Variants in AIFM1 observed in about 807,000 individuals in gnomAD.
AIFM1 encodes the protein apoptosis inducing factor mitochondria associated 1, also known as apoptosis-inducing factor 1, mitochondrial.
Under a neutral mutation model 51.7 loss-of-function variants are expected in AIFM1, and 3 were observed. That is an observed-to-expected ratio of 0.06 (90% confidence interval 0.03 to 0.15). The LOEUF is 0.15. AIFM1 is among the 10% of genes least tolerant of loss of function. The pLI is 1.00. For missense variants in AIFM1, 330 were observed against 476.8 expected, an observed-to-expected ratio of 0.69 and a Z score of 2.87; for synonymous variants, 178 against 179.4, an observed-to-expected ratio of 0.99 and a Z score of 0.06.
chrX:130,154,380 A>C (rs2031096592), intron 2 of AIFM1, among the ~76,000 whole-genome samples: 1 of 112,347 alleles, frequency 8.9e-6, no homozygotes, highest in Non-Finnish European at 1.9e-5. Context: ...TTACCAACAT[A>C]CTGAACACAA....
intron 2 of AIFM1, among the ~76,000 whole-genome samples, chrX:130,151,039 G>T (rs1183630975): frequency 2.9e-5 from 3 of 105,223 alleles, no homozygotes; most frequent in Non-Finnish European, 5.8e-5. Flanking sequence ...GTACCCCACA[G>T]GGTCAACAAA....
Position 130,147,231 on chromosome X carries a change from A to C in AIFM1, c.605+262T>G, listed in dbSNP as rs139842860. Reference sequence around the variant, plus strand: ...TGATCTTCACCTAAAGAAGCTTAACATAAAGGTTCCAGAAATAGGAGCATT... The same window carrying C: ...TGATCTTCACCTAAAGAAGCTTAACCTAAAGGTTCCAGAAATAGGAGCATT... On this transcript the variant is annotated intron_variant, in intron 5 of 15. Transcript: ENST00000287295. 8.4e-3 allele frequency among the ~76,000 whole-genome samples: 940 copies of C among 112,552 alleles called. 11 individuals are homozygous for C. The highest frequency in any genetic ancestry group is 0.029 in the African/African-American group (891 of 31,021).
chrX:130,153,352 C>T (rs1368947493), intron 2 of AIFM1, among the ~76,000 whole-genome samples: 5 of 42,849 alleles, frequency 1.2e-4, no homozygotes, highest in Admixed American at 3.5e-4. Context: ...GACTCCGTTT[C>T]AAAAAAAAAA....
intron 9 of AIFM1, 155 bp from the exon 10 acceptor site, chrX:130,137,340 G>C: frequency 8.6e-7 from 1 of 1,162,336 alleles, no homozygotes; most frequent in Non-Finnish European, 1.1e-6. Context: ...TGGGCATGAG[G>C]GCCTCGGTGC....
At position 130,136,102 on chromosome X, in the gene AIFM1, T is replaced by C; in HGVS notation, c.1248A>G (p.Ser416=). The C allele has an allele frequency of 4.1e-6, 5 of 1,211,904 alleles. No individual in the cohort carries two copies. The highest frequency in any genetic ancestry group is 5.6e-6 in the Non-Finnish European group (5 of 895,516). ...CATTTACCCGGAAGCCACCAAAATC[T>C]GAGTCTATTTCCAGGCCACCAGTCT... ...LAKTGGLEID[S]DFGGFRVNAE... is the part of the protein sequence containing the mutation. The change falls in exon 12 of 16, where the codon TCA becomes TCG. Residue 416 remains serine, a synonymous_variant. Transcript: ENST00000287295.
intron 2 of AIFM1, among the ~76,000 whole-genome samples, chrX:130,153,673 G>A (rs2031073857): frequency 9.0e-6 from 1 of 110,646 alleles, no homozygotes; most frequent in African/African-American, 3.3e-5. Flanking sequence ...CATACAGGAA[G>A]GGGAAGACAC....
intron 12 of AIFM1, 149 bp from the exon 13 acceptor site, chrX:130,133,604 A>G: frequency 2.6e-6 from 2 of 760,056 alleles, no homozygotes; most frequent in Admixed American, 3.0e-5. Context: ...ACTTAAACTA[A>G]CAAAAACAGC....
intron 8 of AIFM1, among the ~76,000 whole-genome samples, chrX:130,138,926 CAGG>C (rs1276396735): frequency 1.8e-5 from 2 of 111,455 alleles, no homozygotes; most frequent in Non-Finnish European, 3.8e-5. Context: ...CTATCTTCCC[CAGG>C]AGGACATCTG....
At chrX:130,162,269 T>G (rs1042526647) in intron 1 of AIFM1, among the ~76,000 whole-genome samples, 2 of 111,893 alleles carry the variant, frequency 1.8e-5, no homozygotes, top group Non-Finnish European at 3.8e-5. Flanking sequence ...TCAGTTTGGT[T>G]TTTTAATCCT....
chrX:130,153,352 CAAAAAAAAA>C (rs35771131), intron 2 of AIFM1, among the ~76,000 whole-genome samples: 27 of 42,860 alleles, frequency 6.3e-4, no homozygotes, highest in Non-Finnish European at 8.4e-4. Flanking sequence ...GACTCCGTTT[CAAAAAAAAA>C]AAAAAAAAAA....
intron 2 of AIFM1, among the ~76,000 whole-genome samples, chrX:130,150,326 CTTTTTTT>C (rs755785211): frequency 6.5e-5 from 4 of 61,650 alleles, no homozygotes; most frequent in South Asian, 8.3e-4. Context: ...TTATTGGAGA[CTTTTTTT>C]TTTTTTTTTT....
rs745767332 is a variant in AIFM1 at position 130,163,095 on chromosome X, G to A, written c.106+2456C>T. On this transcript the variant is annotated intron_variant, in intron 1 of 15. Transcript: ENST00000287295. Reference sequence around the variant, plus strand: ...GGAGGCTGAAGCAGGTGGATCACAAGGTCAGGAGTTTGAGACCAGCCTGGC... The same window carrying A: ...GGAGGCTGAAGCAGGTGGATCACAAAGTCAGGAGTTTGAGACCAGCCTGGC... Among the ~76,000 whole-genome samples the A allele has an allele frequency of 3.6e-5, 4 of 110,845 alleles. No individual in the cohort carries two copies. In the East Asian group the frequency reaches 1.1e-3, roughly 31 times the overall value.
At chrX:130,156,015 A>G (rs1370495961) in intron 2 of AIFM1, among the ~76,000 whole-genome samples, 1 of 112,079 alleles carries the variant, frequency 8.9e-6, no homozygotes, top group Admixed American at 9.5e-5. Flanking sequence ...AGGAACACTT[A>G]ATATTTTTGA....
intron 5 of AIFM1, among the ~76,000 whole-genome samples, chrX:130,146,594 A>G (rs1238925994): frequency 9.1e-6 from 1 of 110,033 alleles, no homozygotes; most frequent in Non-Finnish European, 1.9e-5. Flanking sequence ...GTAAGTTTGT[A>G]AAATTTGGTC....
Position 130,145,458 on chromosome X carries a change from AG to A in AIFM1, c.696+20del. On this transcript the variant is annotated intron_variant, in intron 6 of 15. Coordinates refer to ENST00000287295, the MANE Select transcript of AIFM1 (RefSeq NM_004208.4). ...GGGCAAGTACGTAGAGCCTGACAAA[AG>A]AAGCGGTCTACTAGCTCACCTTCTT... The A allele has an allele frequency of 8.6e-7, 1 of 1,163,580 alleles. No individual in the cohort carries two copies. The highest frequency in any genetic ancestry group is 1.2e-6 in the Non-Finnish European group (1 of 851,740).
In AIFM1 at chrX:130,129,416, T is replaced by C. The variant is rs1305001030; in HGVS notation, c.*141A>G. Reference sequence around the variant, plus strand: ...ACTATGTGAACATTAAGAATTTACCTACATAGTTGAAAATATTCACAAAGG... The same window carrying C: ...ACTATGTGAACATTAAGAATTTACCCACATAGTTGAAAATATTCACAAAGG... On this transcript the variant is annotated 3_prime_UTR_variant, in exon 16 of 16. Coordinates refer to ENST00000287295, the MANE Select transcript of AIFM1 (RefSeq NM_004208.4). The C allele has an allele frequency of 7.5e-6, 4 of 531,255 alleles. No individual in the cohort carries two copies. Among genetic ancestry groups the C allele is most frequent in the Non-Finnish European group, 1.3e-5 (4 of 296,350 alleles). The allele number at this position is 531,255 out of a possible 1,213,427, so 43.8% of individuals were successfully genotyped here. A position where few individuals can be genotyped will look rare whatever the true frequency, so the allele number is the denominator to read the frequency against.
rs1468364039 is a variant in AIFM1 at position 130,136,119 on chromosome X, C to T, written c.1231G>A (p.Gly411Ser). The T allele has an allele frequency of 8.3e-7, 1 of 1,211,854 alleles. No homozygotes were observed. Among genetic ancestry groups the T allele is most frequent in the African/African-American group, 1.7e-5 (1 of 57,835 alleles). ...CCAAAATCTGAGTCTATTTCCAGGCCACCAGTCTTGGCCAACTCAACATTG... is the reference window on the plus strand; with the variant it reads ...CCAAAATCTGAGTCTATTTCCAGGCTACCAGTCTTGGCCAACTCAACATTG... ...EPNVELAKTGGLEIDSDFGGF... is the reference protein window; with the variant it reads ...EPNVELAKTGSLEIDSDFGGF... Residue 411 changes from glycine to serine, a missense_variant, in exon 12 of 16, where the codon GGC becomes AGC. Gly to Ser is a moderately conservative substitution (Grantham distance 56). Around this residue, in one of 4 missense-constraint regions of AIFM1, gnomAD observed 152 missense variants for 292.8 expected, o/e 0.52. Transcript: ENST00000287295.
rs1311074535 is a variant in AIFM1 at position 130,129,927 on chromosome X, C to T, written c.1770+43G>A. On this transcript the variant is annotated intron_variant, in intron 15 of 15. Coordinates refer to ENST00000287295, the MANE Select transcript of AIFM1 (RefSeq NM_004208.4). ...ATGAAGTTACAGGAATGTTTCTAAG[C>T]CGTACTTCCCATCTTCCTCTAAGAG... 1.3e-5 allele frequency: 15 copies of T among 1,193,315 alleles called. No homozygotes were observed. In the South Asian group the frequency reaches 1.4e-4, roughly 11 times the overall value.
chrX:130,161,548 G>C (rs2031352809), intron 1 of AIFM1, among the ~76,000 whole-genome samples: 1 of 104,452 alleles, frequency 9.6e-6, no homozygotes, highest in Non-Finnish European at 1.9e-5. Context: ...GACAAGCCTA[G>C]ATAGTCTGTC....
Sources: gnomAD v4.1 joint callset for allele counts (sites outside exome capture counted in the v4.1 genomes callset) on GRCh38, gnomAD v4.1.1 for gene constraint, gnomAD v4.1.1 regional missense constraint, MANE v1.5 for transcripts, NCBI Gene and HGNC (gene_info 2026-07-23, HGNC 2026-07-21) for gene names.